The following NEDD9 variants were observed in gnomAD, a reference collection of about 807,000 sequenced individuals.
NEDD9 encodes the protein enhancer of filamentation 1.
A neutral mutation model predicts 76.6 loss-of-function variants in NEDD9; 26 were observed. The observed-to-expected ratio is 0.34, with a 90% confidence interval of 0.25 to 0.47. NEDD9 has a LOEUF of 0.47. NEDD9 is among the 20% of genes least tolerant of loss of function. The probability of loss-of-function intolerance (pLI) is 1.00; values close to 1 mark genes in which losing one functional copy is unlikely to be tolerated. For synonymous variants in NEDD9, 392 were observed against 414.2 expected (o/e 0.95, Z 0.65); for missense variants, 937 against 1,058.5 (o/e 0.89, Z 1.59).
intron 1 of NEDD9, among the ~76,000 whole-genome samples, chr6:11,341,844 G>A (rs1762280291): frequency 6.6e-6 from 1 of 151,870 alleles, no homozygotes; most frequent in South Asian, 2.1e-4. Context: ...TGAAAGCAAA[G>A]GAACTATTCT....
At chr6:11,191,300 C>G in intron 4 of NEDD9, 95 bp from the exon 5 acceptor site, 2 of 1,337,622 alleles carry the variant, frequency 1.5e-6, no homozygotes, top group Non-Finnish European at 2.0e-6. Flanking sequence ...GGCACTTTTT[C>G]GGTCGCCCTC....
Position 11,323,024 on chromosome 6 carries a change from A to G in NEDD9, c.-153+11477T>C, listed in dbSNP as rs1008337801. On this transcript the variant is annotated intron_variant, in intron 2 of 3. Transcript: ENST00000397378. ...TATAAGTTATAGGAGATACGCTGTTATGTTATAGGAGTTATTTTTTTCTCT... is the reference window on the plus strand; with the variant it reads ...TATAAGTTATAGGAGATACGCTGTTGTGTTATAGGAGTTATTTTTTTCTCT... Among the ~76,000 whole-genome samples, 7 of 150,614 alleles carry G rather than the reference A, an allele frequency of 4.6e-5. No homozygotes were observed. In the Admixed American group the frequency reaches 4.7e-4, roughly 10 times the overall value.
intron 1 of NEDD9, among the ~76,000 whole-genome samples, chr6:11,357,251 C>T (rs1762595284): frequency 6.6e-6 from 1 of 152,164 alleles, no homozygotes. Flanking sequence ...CATTATCCCT[C>T]TGGAAGCCCC....
chr6:11,288,235 C>G (rs935950716), intron 3 of NEDD9, among the ~76,000 whole-genome samples: 1 of 152,202 alleles, frequency 6.6e-6, no homozygotes, highest in African/African-American at 2.4e-5. Flanking sequence ...TACTGCCTGT[C>G]CAGCTGCATG....
upstream of NEDD9, chr6:11,233,193 T>G: frequency 1.9e-6 from 1 of 515,986 alleles, no homozygotes. Context: ...GCCTACTTTT[T>G]GTGTGTGTGT....
chr6:11,297,763 C>T (rs1233105968), intron 3 of NEDD9, among the ~76,000 whole-genome samples: 4 of 152,270 alleles, frequency 2.6e-5, no homozygotes, highest in Non-Finnish European at 4.4e-5. Flanking sequence ...CCTTTGAGGT[C>T]GGTACTATTC....
rs1174830037 is a variant in NEDD9 at position 11,363,591 on chromosome 6, GCT to G, written c.-214+18546_-214+18547del. ...CTAATGGTGCTTATAGCTCCAAGAA[GCT>G]CTGTCTTCAGAACACAACTGGAATG... On this transcript the variant is annotated intron_variant, in intron 1 of 3. Coordinates refer to the NEDD9 transcript ENST00000397378. Among the ~76,000 whole-genome samples the G allele has an allele frequency of 2.0e-5, 3 of 152,134 alleles. No homozygotes were observed. In the East Asian group the frequency reaches 5.8e-4, roughly 29 times the overall value.
Position 11,252,742 on chromosome 6 carries a change from A to C in NEDD9, c.13-39015T>G, listed in dbSNP as rs868713725. Among the ~76,000 whole-genome samples, 15 of 152,212 alleles carry C rather than the reference A, an allele frequency of 9.9e-5. No individual in the cohort carries two copies. The highest frequency in any genetic ancestry group is 6.8e-3 in the Middle Eastern group (2 of 294). On this transcript the variant is annotated intron_variant, in intron 3 of 3. Transcript: ENST00000397378. This position sits in a 1 kb window ranked among gnomAD's most constrained non-coding sequence, Gnocchi z 4.3. ...AGTTTCATTTTCCCAGAAAAAAAAAACAACTCTGTCTCTTAAATATAGGGT... is the reference window on the plus strand; with the variant it reads ...AGTTTCATTTTCCCAGAAAAAAAAACCAACTCTGTCTCTTAAATATAGGGT...
chr6:11,270,252 A>G lies in NEDD9; in HGVS notation c.12+35740T>C, dbSNP rs80265861. On this transcript the variant is annotated intron_variant, in intron 3 of 3. Transcript: ENST00000397378. ...AACTTCAATTAGCAAGCAAAGCTACAGTGTTCATTACCTTAGATTACAAAA... is the reference window on the plus strand; with the variant it reads ...AACTTCAATTAGCAAGCAAAGCTACGGTGTTCATTACCTTAGATTACAAAA... 9.1e-3 allele frequency among the ~76,000 whole-genome samples: 1,386 copies of G among 152,380 alleles called. 21 individuals carry two copies. Among genetic ancestry groups the G allele is most frequent in the East Asian group, 0.046 (239 of 5,196 alleles).
intron 2 of NEDD9, among the ~76,000 whole-genome samples, chr6:11,195,691 G>A (rs74290116): frequency 1.3e-5 from 2 of 152,160 alleles, no homozygotes; most frequent in Non-Finnish European, 2.9e-5. Context: ...TTCATCTTTC[G>A]TTTAAAAAAC....
intron 1 of NEDD9, among the ~76,000 whole-genome samples, chr6:11,378,827 T>C (rs143807217): frequency 6.6e-6 from 1 of 152,156 alleles, no homozygotes; most frequent in African/African-American, 2.4e-5. Flanking sequence ...GAAGCAAAAG[T>C]GAAAAGGAAT....
At chr6:11,363,028 C>A (rs1486902166) in intron 1 of NEDD9, among the ~76,000 whole-genome samples, 1 of 152,118 alleles carries the variant, frequency 6.6e-6, no homozygotes, top group African/African-American at 2.4e-5. Context: ...ATTCTTCTAG[C>A]CCTGTTCCCA....
At chr6:11,382,339 A>G (rs76449327), upstream of NEDD9, 1,103 of 152,300 alleles carry the variant, frequency 7.2e-3, 5 homozygotes, top group Middle Eastern at 0.014. Context: ...TGAGTGGCAT[A>G]TGTATGTGTG....
chr6:11,332,572 C>T (rs1762065004), intron 2 of NEDD9, among the ~76,000 whole-genome samples: 1 of 152,206 alleles, frequency 6.6e-6, no homozygotes, highest in African/African-American at 2.4e-5. Flanking sequence ...CTCTACAAAA[C>T]CATCCTAAGC....
At chr6:11,334,235 A>G (rs1762103866) in intron 2 of NEDD9, among the ~76,000 whole-genome samples, 1 of 152,224 alleles carries the variant, frequency 6.6e-6, no homozygotes, top group African/African-American at 2.4e-5. Context: ...ACTTAATAGG[A>G]TACACAAACA....
intron 2 of NEDD9, among the ~76,000 whole-genome samples, chr6:11,208,237 T>A (rs1290956034): frequency 6.7e-6 from 1 of 150,354 alleles, no homozygotes; most frequent in Admixed American, 6.6e-5. Flanking sequence ...AGTTAACTAA[T>A]CTTGTCTAAA....
At chr6:11,263,727 A>C (rs1561810111) in intron 3 of NEDD9, among the ~76,000 whole-genome samples, 1 of 152,156 alleles carries the variant, frequency 6.6e-6, no homozygotes, top group Non-Finnish European at 1.5e-5. Flanking sequence ...CATAGGTGCC[A>C]TTTTTGTCTG....
chr6:11,253,642 C>T (rs977205796), intron 3 of NEDD9, among the ~76,000 whole-genome samples: 1 of 152,192 alleles, frequency 6.6e-6, no homozygotes, highest in Admixed American at 6.5e-5. Context: ...ACTATGGTAT[C>T]ATTTTGGAAT....
chr6:11,209,821 G>A (rs1372546979), intron 2 of NEDD9, among the ~76,000 whole-genome samples: 44 of 152,274 alleles, frequency 2.9e-4, no homozygotes, highest in South Asian at 8.3e-4. Context: ...TCCTAAAAGG[G>A]TGGGGATTTT....
Sources: gnomAD v4.1 joint callset for allele counts (sites outside exome capture counted in the v4.1 genomes callset) on GRCh38, gnomAD v4.1.1 for gene constraint, Gnocchi (gnomAD v3.1) non-coding constraint, MANE v1.5 for transcripts, NCBI Gene and HGNC (gene_info 2026-07-23, HGNC 2026-07-21) for gene names.